The following KCNJ6 variants were observed in gnomAD, a reference collection of about 807,000 sequenced individuals.
KCNJ6 encodes the protein potassium inwardly rectifying channel subfamily J member 6.
KCNJ6 carries 9 observed loss-of-function variants against 34.2 expected under a neutral mutation model. The ratio of observed to expected loss-of-function variants is 0.26; its 90% CI spans 0.16 to 0.46. The LOEUF (loss-of-function observed/expected upper bound fraction) is 0.46. Ranked by LOEUF, KCNJ6 falls within the 20% of genes least tolerant of loss-of-function variation. The pLI is 1.00. For synonymous variants in KCNJ6, 196 were observed against 207.1 expected, an observed-to-expected ratio of 0.95 and a Z score of 0.46; for missense variants, 236 against 531.3, an observed-to-expected ratio of 0.44 and a Z score of 5.46.
chr21:37,753,561 C>T (rs980735349), intron 2 of KCNJ6, among the ~76,000 whole-genome samples: 15 of 152,146 alleles, frequency 9.9e-5, no homozygotes, highest in Non-Finnish European at 1.5e-4. Flanking sequence ...AGGAACACGA[C>T]GCTCTTAGCC....
chr21:37,758,279 T>C (rs538693139), intron 2 of KCNJ6, among the ~76,000 whole-genome samples: 13 of 152,316 alleles, frequency 8.5e-5, no homozygotes, highest in African/African-American at 3.1e-4. Context: ...ATCTTTAGAC[T>C]CAAAAGGTGT....
chr21:37,804,141 A>G (rs2055282515), intron 2 of KCNJ6, among the ~76,000 whole-genome samples: 1 of 152,176 alleles, frequency 6.6e-6, no homozygotes, highest in African/African-American at 2.4e-5. Flanking sequence ...AATCAAAACC[A>G]CTTTCACACC....
chr21:37,839,806 TTTTATC>T (rs1265035964), intron 2 of KCNJ6, among the ~76,000 whole-genome samples: 6 of 152,150 alleles, frequency 3.9e-5, no homozygotes, highest in Admixed American at 1.3e-4. Context: ...CCTTTTTTAT[TTTTATC>T]TTTTATTTTG....
chr21:37,718,588 C>T (rs1050952582), intron 2 of KCNJ6, among the ~76,000 whole-genome samples: 2 of 151,198 alleles, frequency 1.3e-5, no homozygotes, highest in African/African-American at 4.9e-5. Flanking sequence ...GTAAACACTG[C>T]ATATTCTCAT....
At chr21:37,881,257 A>G (rs2055706445) in intron 1 of KCNJ6, among the ~76,000 whole-genome samples, 1 of 152,186 alleles carries the variant, frequency 6.6e-6, no homozygotes, top group African/African-American at 2.4e-5. Flanking sequence ...AAGTAAATAT[A>G]TTTAGTCTGT....
chr21:37,879,503 C>A (rs1426139824), intron 1 of KCNJ6, among the ~76,000 whole-genome samples: 1 of 152,096 alleles, frequency 6.6e-6, no homozygotes, highest in Non-Finnish European at 1.5e-5. Context: ...TCCATCCCTG[C>A]GTGAGTGATA....
intron 1 of KCNJ6, among the ~76,000 whole-genome samples, chr21:37,859,406 T>TGTCTCTGG (rs2055581144): frequency 1.3e-5 from 2 of 149,222 alleles, no homozygotes; most frequent in African/African-American, 5.0e-5. Flanking sequence ...TAACAGTGGT[T>TGTCTCTGG]GTCTCTGGGA....
chr21:37,740,050 G>A (rs541124600), intron 2 of KCNJ6, among the ~76,000 whole-genome samples: 2 of 152,278 alleles, frequency 1.3e-5, no homozygotes, highest in South Asian at 4.1e-4. Context: ...GGCTTGTGGA[G>A]GAAGCTCACT....
intron 2 of KCNJ6, among the ~76,000 whole-genome samples, chr21:37,730,504 C>A (rs2054878810): frequency 1.3e-5 from 2 of 152,220 alleles, no homozygotes; most frequent in Non-Finnish European, 2.9e-5. Flanking sequence ...ACCTGGTCCA[C>A]AGCAGCCATT....
chr21:37,878,410 T>C (rs1194512442), intron 1 of KCNJ6, among the ~76,000 whole-genome samples: 2 of 152,260 alleles, frequency 1.3e-5, no homozygotes, highest in African/African-American at 4.8e-5. Context: ...ATGATTTGCT[T>C]AGCAGTGTTC....
At chr21:37,837,242 G>A (rs1189987719) in intron 2 of KCNJ6, among the ~76,000 whole-genome samples, 4 of 151,578 alleles carry the variant, frequency 2.6e-5, no homozygotes, top group African/African-American at 4.9e-5. Flanking sequence ...TTTCAATAAT[G>A]TGACGTAAAA....
intron 1 of KCNJ6, among the ~76,000 whole-genome samples, chr21:37,880,769 A>G (rs2055703677): frequency 6.6e-6 from 1 of 152,232 alleles, no homozygotes; most frequent in African/African-American, 2.4e-5. Flanking sequence ...GGCGTGAAGC[A>G]TATTTCCCAA....
intron 2 of KCNJ6, among the ~76,000 whole-genome samples, chr21:37,813,279 A>G (rs189096952): frequency 5.3e-5 from 8 of 152,376 alleles, no homozygotes; most frequent in Middle Eastern, 3.4e-3. Context: ...ATGGAAATGT[A>G]TTCCATGTTC....
At chr21:37,814,846 C>T (rs972397272) in intron 2 of KCNJ6, among the ~76,000 whole-genome samples, 4 of 141,534 alleles carry the variant, frequency 2.8e-5, no homozygotes, top group Non-Finnish European at 6.0e-5. Context: ...TGCAGTCAGC[C>T]GAGATGTGCC....
At chr21:37,771,216 T>C (rs185190255) in intron 2 of KCNJ6, among the ~76,000 whole-genome samples, 6 of 152,252 alleles carry the variant, frequency 3.9e-5, no homozygotes. Flanking sequence ...AATACAAATA[T>C]AGATGCTGCT....
intron 3 of KCNJ6, among the ~76,000 whole-genome samples, chr21:37,705,606 AG>A (rs1305533912): frequency 6.6e-6 from 1 of 152,214 alleles, no homozygotes; most frequent in African/African-American, 2.4e-5. Context: ...ATCTTTTTGT[AG>A]GTACAAGTAT....
intron 2 of KCNJ6, among the ~76,000 whole-genome samples, chr21:37,822,529 G>A (rs907349599): frequency 3.3e-5 from 5 of 152,286 alleles, no homozygotes; most frequent in Middle Eastern, 3.4e-3. Flanking sequence ...TGTTTTATGC[G>A]GGAAATTATC....
chr21:37,794,090 TGTATGG>T (rs2055229955), intron 2 of KCNJ6, among the ~76,000 whole-genome samples: 2 of 152,264 alleles, frequency 1.3e-5, no homozygotes, highest in South Asian at 4.1e-4. Flanking sequence ...TCTGTGTATG[TGTATGG>T]ACCCAAACCA....
chr21:37,843,694 T>G (rs1216426776), intron 1 of KCNJ6, among the ~76,000 whole-genome samples: 1 of 152,202 alleles, frequency 6.6e-6, no homozygotes, highest in Non-Finnish European at 1.5e-5. Flanking sequence ...TTTCAGAGAT[T>G]GTCAAGTCCA....
Sources: gnomAD v4.1 joint callset for allele counts (sites outside exome capture counted in the v4.1 genomes callset) on GRCh38, gnomAD v4.1.1 for gene constraint, MANE v1.5 for transcripts, NCBI Gene and HGNC (gene_info 2026-07-23, HGNC 2026-07-21) for gene names.